IL16: variants seen among roughly 807,000 people sequenced by gnomAD.
The protein encoded by IL16 is interleukin 16.
A neutral mutation model predicts 110.1 loss-of-function variants in IL16; 67 were observed. The ratio of observed to expected loss-of-function variants is 0.61; its 90% CI spans 0.50 to 0.75. The LOEUF is 0.75. Among genes scored for constraint, IL16 ranks in the 30% least tolerant of loss-of-function variants. The pLI, the probability that IL16 is intolerant of heterozygous loss-of-function variation, is 0.00. For synonymous variants in IL16, 689 were observed against 662.9 expected (o/e 1.04, Z -0.61); for missense variants, 1,545 against 1,655.0 (o/e 0.93, Z 1.15).
chr15:81,255,120 A>G (rs1179313662), intron 2 of IL16, among the ~76,000 whole-genome samples: 1 of 152,230 alleles, frequency 6.6e-6, no homozygotes, highest in African/African-American at 2.4e-5. Flanking sequence ...AAATAGTCCC[A>G]GAGTATAGAT....
At position 81,313,137 on chromosome 15, in the gene IL16, A is replaced by G. The variant is rs17875572; in HGVS notation, c.*4339A>G. ...TGGCATTCTCAGAGATGCGCAGTCCATCAGCTTGTTCCAAAGAGTGAACAC... is the reference window on the plus strand; with the variant it reads ...TGGCATTCTCAGAGATGCGCAGTCCGTCAGCTTGTTCCAAAGAGTGAACAC... On this transcript the variant is annotated 3_prime_UTR_variant, in exon 19 of 19. Coordinates refer to ENST00000683961, the MANE Select transcript of IL16 (RefSeq NM_172217.5). 7.9e-4 allele frequency: 978 copies of G among 1,242,630 alleles called. 6 individuals are homozygous for G. In the African/African-American group the frequency reaches 0.014, roughly 18 times the overall value. The allele number at this position is 1,242,630 out of a possible 1,614,324, so 77.0% of individuals were successfully genotyped here. A position where few individuals can be genotyped will look rare whatever the true frequency, so the allele number is the denominator to read the frequency against.
chr15:81,295,642 G>A (rs1292363007), intron 12 of IL16: 10 of 455,594 alleles, frequency 2.2e-5, no homozygotes, highest in African/African-American at 4.1e-5. Context: ...GGGCTAGTTC[G>A]AGAAGCTCAA....
intron 1 of IL16, among the ~76,000 whole-genome samples, chr15:81,184,556 G>A (rs747200785): frequency 3.9e-5 from 6 of 152,220 alleles, no homozygotes; most frequent in African/African-American, 1.4e-4. Flanking sequence ...GCAGTTTCCC[G>A]AGAGGGACTC....
At position 81,310,212 on chromosome 15, in the gene IL16, T is replaced by C. The variant is rs1453865617; in HGVS notation, c.*1414T>C. On this transcript the variant is annotated 3_prime_UTR_variant, in exon 19 of 19. Transcript: ENST00000683961. ...AAGGACACAGATGAAACACAAACAA[T>C]AGTAATTCTCAGGCCATCATCAGTG... 6.6e-6 allele frequency: 1 copy of C among 152,266 alleles called. No homozygotes were observed. Among genetic ancestry groups the C allele is most frequent in the Non-Finnish European group, 1.5e-5 (1 of 68,028 alleles). 9.4% of individuals were successfully genotyped at this position (152,266 alleles called of 1,614,324 possible). A position where few individuals can be genotyped will look rare whatever the true frequency, so the allele number is the denominator to read the frequency against.
chr15:81,308,943 C>A lies in IL16; in HGVS notation c.*145C>A. 1 of 615,876 alleles carries A rather than the reference C, an allele frequency of 1.6e-6. No homozygotes were observed. Among genetic ancestry groups the A allele is most frequent in the South Asian group, 2.3e-5 (1 of 42,624 alleles). The allele number at this position is 615,876 out of a possible 1,614,324, so 38.2% of individuals were successfully genotyped here. On this transcript the variant is annotated 3_prime_UTR_variant, in exon 19 of 19. Transcript: ENST00000683961. ...CCAGTGGCTGCTGCCCAGGCCCAGA[C>A]CTTCTAGGACGCCACCCAGCAAAAG...
intron 5 of IL16, among the ~76,000 whole-genome samples, chr15:81,272,587 G>T (rs901281817): frequency 6.6e-6 from 1 of 152,224 alleles, no homozygotes; most frequent in Non-Finnish European, 1.5e-5. Flanking sequence ...GAAGGGGATT[G>T]AGAAGGCCTT....
chr15:81,251,453 G>A (rs58541174), intron 2 of IL16, among the ~76,000 whole-genome samples: 37,166 of 151,986 alleles, frequency 0.24, 5,355 homozygotes, highest in African/African-American at 0.4. Flanking sequence ...AGGATCCACT[G>A]TACTACCAGA....
intron 1 of IL16, among the ~76,000 whole-genome samples, chr15:81,219,453 AT>A (rs1896542366): frequency 3.3e-5 from 5 of 150,158 alleles, no homozygotes; most frequent in Admixed American, 3.3e-4. Context: ...TATTACCTCC[AT>A]ATTGGAGGTA....
intron 2 of IL16, among the ~76,000 whole-genome samples, chr15:81,247,683 A>G (rs530832774): frequency 1.4e-4 from 22 of 152,136 alleles, no homozygotes; most frequent in African/African-American, 4.8e-4. Flanking sequence ...ATCACTTGTA[A>G]CCTCTACTTC....
At chr15:81,220,343 C>T (rs1026281068) in intron 1 of IL16, among the ~76,000 whole-genome samples, 1 of 151,972 alleles carries the variant, frequency 6.6e-6, no homozygotes, top group Non-Finnish European at 1.5e-5. Context: ...TTGGTAGAGA[C>T]AGGGTTTCAC....
chr15:81,254,426 C>T (rs534738251), intron 2 of IL16, among the ~76,000 whole-genome samples: 20 of 152,256 alleles, frequency 1.3e-4, no homozygotes, highest in African/African-American at 4.8e-4. Flanking sequence ...TTCCCCATTT[C>T]TTGGAGTTGA....
chr15:81,251,902 A>G (rs987312487), intron 2 of IL16, among the ~76,000 whole-genome samples: 1 of 152,198 alleles, frequency 6.6e-6, no homozygotes, highest in African/African-American at 2.4e-5. Context: ...AACAGAAATA[A>G]TTTCTTAGTA....
chr15:81,194,954 C>T (rs1039767184), upstream of IL16, among the ~76,000 whole-genome samples: 8 of 152,140 alleles, frequency 5.3e-5, no homozygotes, highest in African/African-American at 1.2e-4. Context: ...CTCTCACCTG[C>T]GTCTTCCTCC....
Position 81,269,534 on chromosome 15 carries a change from G to T in IL16, c.565-4G>T, listed in dbSNP as rs770269330. The stretch of plus-strand genomic sequence containing the variant: ...CTTCTGCCTACTCTGGTTCCTTGTT[G>T]CAGGGAACTTCGAGACCAACACGGT... On this transcript the variant is annotated splice_polypyrimidine_tract_variant and splice_region_variant and intron_variant, in intron 4 of 18. Coordinates refer to ENST00000683961, the MANE Select transcript of IL16 (RefSeq NM_172217.5). 1 of 1,608,346 alleles carries T rather than the reference G, an allele frequency of 6.2e-7. No homozygotes were observed. Among genetic ancestry groups the T allele is most frequent in the East Asian group, 2.2e-5 (1 of 44,862 alleles).
intron 2 of IL16, among the ~76,000 whole-genome samples, chr15:81,237,205 C>A (rs542466567): frequency 9.5e-4 from 145 of 152,246 alleles, no homozygotes; most frequent in African/African-American, 3.5e-3. Flanking sequence ...GTGGAGCATC[C>A]GCCATAAATC....
At chr15:81,247,076 C>CTTTTTTTTTTTTTTTTTTTTTTTTCT (rs57484982) in intron 2 of IL16, among the ~76,000 whole-genome samples, 4 of 92,638 alleles carry the variant, frequency 4.3e-5, no homozygotes, top group East Asian at 2.7e-4. Flanking sequence ...TTTTCTTTTC[C>CTTTTTTTTTTTTTTTTTTTTTTTTCT]TTTTTTTTTT....
chr15:81,188,736 C>T (rs1305691213), intron 1 of IL16, among the ~76,000 whole-genome samples: 2 of 152,042 alleles, frequency 1.3e-5, no homozygotes, highest in Non-Finnish European at 2.9e-5. Context: ...CTTCCTTTGC[C>T]CTTCTTCCTC....
intron 2 of IL16, among the ~76,000 whole-genome samples, chr15:81,247,089 T>C (rs2142127638): frequency 6.8e-6 from 1 of 148,070 alleles, no homozygotes; most frequent in Middle Eastern, 3.5e-3. Context: ...TTTTTTTTTT[T>C]TTTTTTTGAT....
rs1395502167 is a variant in IL16, at chr15:81,196,959, G to A, written c.-295G>A. The A allele has an allele frequency of 7.9e-7, 1 of 1,269,862 alleles. No homozygotes were observed. Among genetic ancestry groups the A allele is most frequent in the Non-Finnish European group, 1.0e-6 (1 of 982,354 alleles). The allele number at this position is 1,269,862 out of a possible 1,614,324, so 78.7% of individuals were successfully genotyped here. On this transcript the variant is annotated 5_prime_UTR_variant, in exon 1 of 19. Coordinates refer to ENST00000683961, the MANE Select transcript of IL16 (RefSeq NM_172217.5). Reference sequence around the variant, plus strand: ...CGGCATCTCAACTATCGGAGCCTGGGATCTGACTCAAAGGCCGGCCTCCGT... The same window carrying A: ...CGGCATCTCAACTATCGGAGCCTGGAATCTGACTCAAAGGCCGGCCTCCGT...
Sources: gnomAD v4.1 joint callset for allele counts (sites outside exome capture counted in the v4.1 genomes callset) on GRCh38, gnomAD v4.1.1 for gene constraint, MANE v1.5 for transcripts, NCBI Gene and HGNC (gene_info 2026-07-23, HGNC 2026-07-21) for gene names.